CCDC60: variants seen among roughly 807,000 people sequenced by gnomAD.
CCDC60 encodes coiled-coil domain containing 60.
Under a neutral mutation model 63.5 loss-of-function variants are expected in CCDC60, and 54 were observed. The ratio of observed to expected loss-of-function variants is 0.85; its 90% CI spans 0.68 to 1.07. The LOEUF (loss-of-function observed/expected upper bound fraction) is 1.07. Among genes scored for constraint, CCDC60 ranks in the 50% least tolerant of loss-of-function variants. The probability of loss-of-function intolerance (pLI) is 0.00; values close to 1 mark genes in which losing one functional copy is unlikely to be tolerated. For missense variants in CCDC60, 651 were observed against 684.3 expected (o/e 0.95, Z 0.54); for synonymous variants, 206 against 238.8 (o/e 0.86, Z 1.27).
intron 1 of CCDC60, among the ~76,000 whole-genome samples, chr12:119,346,395 CT>C (rs1306268947): frequency 6.6e-6 from 1 of 152,102 alleles, no homozygotes; most frequent in African/African-American, 2.4e-5. Context: ...GTTTTGCAAC[CT>C]GTCCAGAGAC....
At chr12:119,509,038 C>T (rs1348570731) in intron 7 of CCDC60, among the ~76,000 whole-genome samples, 3 of 151,988 alleles carry the variant, frequency 2.0e-5, no homozygotes, top group Non-Finnish European at 4.4e-5. Context: ...TCTCTAGGCA[C>T]CTGCAACACT....
chr12:119,407,727 C>T (rs1956519754), intron 1 of CCDC60, among the ~76,000 whole-genome samples: 1 of 152,198 alleles, frequency 6.6e-6, no homozygotes, highest in Admixed American at 6.6e-5. Context: ...CTCTGCCCCT[C>T]CATGCCTTGG....
intron 6 of CCDC60, among the ~76,000 whole-genome samples, chr12:119,501,621 G>C (rs1189133150): frequency 6.6e-6 from 1 of 152,054 alleles, no homozygotes; most frequent in African/African-American, 2.4e-5. Context: ...GATTTAAGAC[G>C]AGCCTTGGTT....
At chr12:119,362,496 C>CA (rs1389513953) in intron 1 of CCDC60, among the ~76,000 whole-genome samples, 1 of 152,160 alleles carries the variant, frequency 6.6e-6, no homozygotes, top group African/African-American at 2.4e-5. Context: ...TCTTGATCTT[C>CA]ATGTAATGAA....
Position 119,420,128 on chromosome 12 carries a change from G to A in CCDC60, c.91-8555G>A, listed in dbSNP as rs554933152. Among the ~76,000 whole-genome samples, 2 of 151,934 alleles carry A rather than the reference G, an allele frequency of 1.3e-5. No individual in the cohort carries two copies. Among genetic ancestry groups the A allele is most frequent in the East Asian group, 1.9e-4 (1 of 5,176 alleles). ...CCTGACCTCGTGATCCACCCGCCTC[G>A]GCCTCCCAAAGTGCTGAGATTACAG... On this transcript the variant is annotated intron_variant, in intron 1 of 13. Coordinates refer to ENST00000327554, the MANE Select transcript of CCDC60 (RefSeq NM_178499.5). This position sits in a 1 kb window ranked among gnomAD's most constrained non-coding sequence, Gnocchi z 4.1.
Position 119,540,889 on chromosome 12 carries a change from G to A in CCDC60, c.*174G>A. On this transcript the variant is annotated 3_prime_UTR_variant, in exon 14 of 14. Coordinates refer to ENST00000327554, the MANE Select transcript of CCDC60 (RefSeq NM_178499.5). ...TCCAGCAACATTTTTAGAGGGGGATGGCCCCGGTGGCCCTCCCCTCAATTC... is the reference window on the plus strand; with the variant it reads ...TCCAGCAACATTTTTAGAGGGGGATAGCCCCGGTGGCCCTCCCCTCAATTC... The A allele has an allele frequency of 1.8e-6, 1 of 553,954 alleles. No individual in the cohort carries two copies. Among genetic ancestry groups the A allele is most frequent in the Non-Finnish European group, 3.2e-6 (1 of 313,896 alleles). 34.3% of individuals were successfully genotyped at this position (553,954 alleles called of 1,614,324 possible). A position where few individuals can be genotyped will look rare whatever the true frequency, so the allele number is the denominator to read the frequency against.
chr12:119,442,184 A>C (rs926846198), intron 2 of CCDC60, among the ~76,000 whole-genome samples: 2 of 152,220 alleles, frequency 1.3e-5, no homozygotes. Context: ...TTCCGTATAG[A>C]CTACTTGCTT....
At chr12:119,364,034 T>C (rs1011891778) in intron 1 of CCDC60, among the ~76,000 whole-genome samples, 2 of 152,208 alleles carry the variant, frequency 1.3e-5, no homozygotes, top group East Asian at 3.8e-4. Context: ...ATACGATCCT[T>C]GTAATCTTGC....
chr12:119,464,719 T>C (rs1447744378), intron 2 of CCDC60, among the ~76,000 whole-genome samples: 1 of 152,132 alleles, frequency 6.6e-6, no homozygotes, highest in African/African-American at 2.4e-5. Context: ...GACAGTAAGA[T>C]ACCAAATTAT....
intron 1 of CCDC60, among the ~76,000 whole-genome samples, chr12:119,342,049 G>A (rs565360465): frequency 1.1e-4 from 17 of 152,300 alleles, no homozygotes; most frequent in South Asian, 6.2e-4. Context: ...GAAAAGCAGC[G>A]AAGTAAACAA....
At chr12:119,474,093 C>G (rs1000194652) in intron 3 of CCDC60, among the ~76,000 whole-genome samples, 1 of 152,198 alleles carries the variant, frequency 6.6e-6, no homozygotes, top group African/African-American at 2.4e-5. Flanking sequence ...AAAAAAAGTG[C>G]TCAACATCGC....
chr12:119,481,047 C>T (rs2136351359), intron 4 of CCDC60, among the ~76,000 whole-genome samples: 1 of 151,958 alleles, frequency 6.6e-6, no homozygotes, highest in South Asian at 2.1e-4. Flanking sequence ...TCACCATCAT[C>T]CTCACCACCA....
intron 1 of CCDC60, among the ~76,000 whole-genome samples, chr12:119,426,651 G>A (rs924190278): frequency 5.3e-5 from 8 of 152,086 alleles, no homozygotes; most frequent in African/African-American, 1.9e-4. Flanking sequence ...GAGCCACTGC[G>A]CCTGGCCCCA....
intron 1 of CCDC60, among the ~76,000 whole-genome samples, chr12:119,415,488 C>T (rs189556205): frequency 1.3e-5 from 2 of 152,260 alleles, no homozygotes; most frequent in Admixed American, 1.3e-4. Flanking sequence ...GGACTTTAGT[C>T]TAAAAACAAT....
At chr12:119,478,208 G>A (rs1487649526) in intron 3 of CCDC60, among the ~76,000 whole-genome samples, 3 of 152,066 alleles carry the variant, frequency 2.0e-5, no homozygotes, top group South Asian at 2.1e-4. Context: ...CCAGCTACTC[G>A]GGAGGCTGAG....
intron 2 of CCDC60, among the ~76,000 whole-genome samples, chr12:119,449,694 A>G (rs567339981): frequency 2.4e-4 from 37 of 152,330 alleles, no homozygotes; most frequent in African/African-American, 8.9e-4. Context: ...ATTGCCCTGC[A>G]TTTAAGGAGC....
chr12:119,341,466 C>G (rs1176821399), intron 1 of CCDC60, among the ~76,000 whole-genome samples: 1 of 152,150 alleles, frequency 6.6e-6, no homozygotes, highest in African/African-American at 2.4e-5. Context: ...TTCAAATCCT[C>G]TTTTTGACAC....
chr12:119,356,361 CATTTT>C (rs200865998), intron 1 of CCDC60, among the ~76,000 whole-genome samples: 1,650 of 152,254 alleles, frequency 0.011, 26 homozygotes, highest in African/African-American at 0.038. Context: ...CATTTCATTT[CATTTT>C]ATTTCATTCA....
rs112032535 is a variant in CCDC60, at chr12:119,450,868, A to AAAG, written c.171-21125_171-21124insAGA. Reference sequence around the variant, plus strand: ...CAAGACTCCATCTCAAAAAAAAAAAAAGAGAGAGAGAGAGAGAGATAAGAC... The same window carrying AAAG: ...CAAGACTCCATCTCAAAAAAAAAAAAAAGAGAGAGAGAGAGAGAGAGATAAGAC... On this transcript the variant is annotated intron_variant, in intron 2 of 13. Transcript: ENST00000327554. Among the ~76,000 whole-genome samples, 549 of 141,704 alleles carry AAAG rather than the reference A, an allele frequency of 3.9e-3. 2 individuals are homozygous for AAAG. Among genetic ancestry groups the AAAG allele is most frequent in the African/African-American group, 0.012 (463 of 38,346 alleles). 93.0% of individuals were successfully genotyped at this position (141,704 alleles called of 152,430 possible).
Sources: allele counts gnomAD v4.1 joint callset (sites outside exome capture counted in the v4.1 genomes callset), GRCh38; gene constraint gnomAD v4.1.1; non-coding constraint Gnocchi (gnomAD v3.1); transcripts MANE v1.5; gene names NCBI Gene and HGNC (gene_info 2026-07-23, HGNC 2026-07-21).